The following CRISP2 variants were observed in gnomAD, a reference collection of about 807,000 sequenced individuals.
The protein encoded by CRISP2 is cysteine rich secretory protein 2.
In CRISP2, 29 loss-of-function variants were observed where a neutral mutation model predicts 31.7. That is an observed-to-expected ratio of 0.92 (90% CI 0.68 to 1.25). The LOEUF is 1.25. Ranked by LOEUF, CRISP2 falls within the 50% of genes most tolerant of loss-of-function variation. The pLI, the probability that CRISP2 is intolerant of heterozygous loss-of-function variation, is 0.00. For missense variants in CRISP2, 318 were observed against 286.5 expected (o/e 1.11, Z -0.79); for synonymous variants, 111 against 101.4 (o/e 1.09, Z -0.57).
At chr6:49,711,775 T>C (rs1582159766) in intron 2 of CRISP2, among the ~76,000 whole-genome samples, 1 of 152,176 alleles carries the variant, frequency 6.6e-6, no homozygotes, top group South Asian at 2.1e-4. Flanking sequence ...AACCATCAGG[T>C]CTGGGAAATC....
rs1767590902 is a variant in CRISP2 at position 49,709,267 on chromosome 6, G to C, written c.-9-62C>G. 3.7e-6 allele frequency: 5 copies of C among 1,366,836 alleles called. No individual in the cohort carries two copies. The South Asian group carries it at 6.0e-5, about 16-fold the overall frequency. 84.7% of individuals were successfully genotyped at this position (1,366,836 alleles called of 1,614,324 possible). ...GTAGTTTAAAAAACTTCTAAGAGGG[G>C]GAATACCAATATAATGATCTCGATT... On this transcript the variant is annotated intron_variant, in intron 3 of 9. Transcript: ENST00000339139.
intron 5 of CRISP2, 72 bp from the exon 6 acceptor site, chr6:49,699,963 T>C (rs1017674794): frequency 1.5e-6 from 2 of 1,318,176 alleles, no homozygotes; most frequent in African/African-American, 1.5e-5. Context: ...ATAATCTGAT[T>C]TGTAAATACT....
chr6:49,703,255 G>C (rs1271931344), intron 4 of CRISP2, among the ~76,000 whole-genome samples: 1 of 152,028 alleles, frequency 6.6e-6, no homozygotes, highest in Non-Finnish European at 1.5e-5. Flanking sequence ...GTTATGCGAT[G>C]CTTCCAGACT....
intron 5 of CRISP2, 123 bp from the exon 6 acceptor site, chr6:49,700,014 T>C (rs1446311738): frequency 2.4e-6 from 2 of 826,022 alleles, no homozygotes; most frequent in Admixed American, 5.1e-5. Context: ...CTACTGTTAT[T>C]AAAATGTTTT....
At position 49,698,522 on chromosome 6, in the gene CRISP2, A is replaced by T. The variant is rs1765148638; in HGVS notation, c.272-15T>A. Reference sequence around the variant, plus strand: ...ACATCTTGTACCTAAGGGGCAGATCATTCATGAGCAAGGTAATAAACATGC... The same window carrying T: ...ACATCTTGTACCTAAGGGGCAGATCTTTCATGAGCAAGGTAATAAACATGC... On this transcript the variant is annotated splice_polypyrimidine_tract_variant and intron_variant, in intron 6 of 9. Coordinates refer to ENST00000339139, the MANE Select transcript of CRISP2 (RefSeq NM_003296.4). 6.3e-7 allele frequency: 1 copy of T among 1,590,740 alleles called. No individual in the cohort carries two copies. The highest frequency in any genetic ancestry group is 2.2e-5 in the East Asian group (1 of 44,648).
At chr6:49,701,271 C>T (rs1765626934) in intron 4 of CRISP2, among the ~76,000 whole-genome samples, 1 of 151,772 alleles carries the variant, frequency 6.6e-6, no homozygotes, top group African/African-American at 2.4e-5. Context: ...TTATCCCACG[C>T]CACCCTCCCA....
chr6:49,683,683 AAAAAAAAAAAAATATATATATATAT>A, the CRISP2 span, among the ~76,000 whole-genome samples: 1 of 51,846 alleles, frequency 1.9e-5, no homozygotes, highest in Non-Finnish European at 3.9e-5. Flanking sequence ...AAAAAAAAAA[AAAAAAAAAAAAATATATATATATAT>A]ATATATATAT....
At chr6:49,699,736 C>T in intron 6 of CRISP2, 68 bp downstream of exon 6, 1 of 1,103,312 alleles carries the variant, frequency 9.1e-7, no homozygotes, top group East Asian at 2.6e-5. Context: ...TATTATAGAG[C>T]ATCCTACAAT....
chr6:49,712,835 T>C (rs558820684), intron 1 of CRISP2, among the ~76,000 whole-genome samples: 1 of 152,320 alleles, frequency 6.6e-6, no homozygotes, highest in African/African-American at 2.4e-5. Flanking sequence ...AGTGGACTTC[T>C]TGAAGTTCAG....
rs546365665 is a variant in CRISP2 at position 49,697,751 on chromosome 6, C to G, written c.515+109G>C. The G allele has an allele frequency of 1.0e-4, 158 of 1,583,794 alleles. 1 individual carries two copies. The South Asian group carries it at 1.7e-3, about 17-fold the overall frequency. On this transcript the variant is annotated intron_variant, in intron 8 of 9. Transcript: ENST00000339139. ...TAAAAAACATTTCCAAACGTTTATC[C>G]CCTCCCTTTTATTGAGATATGTTTT... is the stretch of plus-strand genomic sequence containing the variant.
chr6:49,680,049 T>C, the CRISP2 span, among the ~76,000 whole-genome samples: 1 of 152,140 alleles, frequency 6.6e-6, no homozygotes, highest in East Asian at 1.9e-4. Context: ...GTTTGTTACA[T>C]AGGTAAAGTT....
downstream of CRISP2, among the ~76,000 whole-genome samples, chr6:49,691,862 T>C (rs1764069506): frequency 6.6e-6 from 1 of 152,076 alleles, no homozygotes; most frequent in African/African-American, 2.4e-5. Flanking sequence ...CTGTAGGCAT[T>C]AGTAGCTCAT....
the CRISP2 span, among the ~76,000 whole-genome samples, chr6:49,679,196 G>A: frequency 6.6e-6 from 1 of 152,104 alleles, no homozygotes; most frequent in East Asian, 1.9e-4. Flanking sequence ...AAAGCTCTAA[G>A]TCTTTGTCAT....
At chr6:49,694,182 T>G (rs116768627) in intron 9 of CRISP2, among the ~76,000 whole-genome samples, 1,948 of 152,278 alleles carry the variant, frequency 0.013, 28 homozygotes, top group African/African-American at 0.044. Flanking sequence ...CAAACTTGGT[T>G]ACGAGAAGGG....
chr6:49,699,728 T>C (rs1487864215), intron 6 of CRISP2, 76 bp downstream of exon 6: 18 of 1,050,114 alleles, frequency 1.7e-5, no homozygotes, highest in Non-Finnish European at 4.3e-6. Flanking sequence ...AGTCTTCTTA[T>C]TATAGAGCAT....
At chr6:49,693,604 T>A (rs1215011764) in intron 9 of CRISP2, among the ~76,000 whole-genome samples, 3 of 152,160 alleles carry the variant, frequency 2.0e-5, no homozygotes, top group Non-Finnish European at 4.4e-5. Flanking sequence ...TCAGCAGTGA[T>A]CTCCCTGCAC....
At chr6:49,686,280 G>T in the CRISP2 span, among the ~76,000 whole-genome samples, 3 of 152,128 alleles carry the variant, frequency 2.0e-5, no homozygotes, top group African/African-American at 7.2e-5. Context: ...TTTTGTGTAT[G>T]TATAGATTAT....
chr6:49,677,546 C>T, the CRISP2 span, among the ~76,000 whole-genome samples: 4,639 of 152,240 alleles, frequency 0.03, 258 homozygotes, highest in African/African-American at 0.11. Flanking sequence ...TTCACATACA[C>T]TTACAGCAGG....
downstream of CRISP2, among the ~76,000 whole-genome samples, chr6:49,689,151 G>A (rs1477244127): frequency 6.6e-6 from 1 of 152,102 alleles, no homozygotes; most frequent in Non-Finnish European, 1.5e-5. Context: ...TTACAGCTGT[G>A]AGCCACTGTG....
Sources: gnomAD v4.1 joint callset for allele counts (sites outside exome capture counted in the v4.1 genomes callset) on GRCh38, gnomAD v4.1.1 for gene constraint, MANE v1.5 for transcripts, NCBI Gene and HGNC (gene_info 2026-07-23, HGNC 2026-07-21) for gene names.